ALKAL1: variants seen among roughly 807,000 people sequenced by gnomAD.
The protein encoded by ALKAL1 is AUG-beta.
Under a neutral mutation model 13.5 loss-of-function variants are expected in ALKAL1, and 23 were observed. The ratio of observed to expected loss-of-function variants is 1.70; its 90% confidence interval spans 1.23 to 2.41. ALKAL1 has a LOEUF of 2.41. Ranked by LOEUF, ALKAL1 falls within the 30% of genes most tolerant of loss-of-function variation. The pLI is 0.00. For synonymous variants in ALKAL1, 85 were observed against 77.7 expected, an observed-to-expected ratio of 1.09 and a Z score of -0.49; for missense variants, 181 against 178.4, an observed-to-expected ratio of 1.01 and a Z score of -0.08.
chr8:52,561,263 C>T (rs1847547924), intron 1 of ALKAL1, among the ~76,000 whole-genome samples: 1 of 151,984 alleles, frequency 6.6e-6, no homozygotes, highest in African/African-American at 2.4e-5. Context: ...TTACGCAAGC[C>T]CCTGCAGTAT....
At chr8:52,564,593 T>C (rs1333338432) in intron 1 of ALKAL1, among the ~76,000 whole-genome samples, 6 of 152,094 alleles carry the variant, frequency 3.9e-5, no homozygotes, top group African/African-American at 1.2e-4. Flanking sequence ...CTGCTGAAAC[T>C]GGCGCTTCCT....
intron 1 of ALKAL1, among the ~76,000 whole-genome samples, chr8:52,543,523 T>C (rs1182986010): frequency 2.0e-5 from 3 of 152,206 alleles, no homozygotes; most frequent in South Asian, 2.1e-4. Flanking sequence ...CAGGGCGTGA[T>C]TGTGTGGGTG....
rs566379276 is a variant in ALKAL1, at chr8:52,536,460, T to C, written c.*13-1860A>G. On this transcript the variant is annotated intron_variant, in intron 4 of 4. Transcript: ENST00000358543. ...AATGTTACAATTTACATTCAATTTATTTAGGATCGTACAAATACTCTATTG... is the reference window on the plus strand; with the variant it reads ...AATGTTACAATTTACATTCAATTTACTTAGGATCGTACAAATACTCTATTG... 8.1e-4 allele frequency among the ~76,000 whole-genome samples: 123 copies of C among 152,368 alleles called. 1 individual carries two copies. Among genetic ancestry groups the C allele is most frequent in the Non-Finnish European group, 5.3e-4 (36 of 68,032 alleles).
intron 1 of ALKAL1, among the ~76,000 whole-genome samples, chr8:52,562,266 A>T (rs1194833658): frequency 6.6e-6 from 1 of 152,156 alleles, no homozygotes; most frequent in Non-Finnish European, 1.5e-5. Flanking sequence ...AACTCTCAAG[A>T]GGGTCTGAAC....
Position 52,534,150 on chromosome 8 carries a change from G to T in ALKAL1, c.*463C>A, listed in dbSNP as rs1847245955. On this transcript the variant is annotated 3_prime_UTR_variant, in exon 5 of 5. Transcript: ENST00000358543. ...TGAAGACAACAAGTTCTAAATAAATGTATTTAAATATTAAATAAGAATTAT... is the reference window on the plus strand; with the variant it reads ...TGAAGACAACAAGTTCTAAATAAATTTATTTAAATATTAAATAAGAATTAT... 1.3e-5 allele frequency: 2 copies of T among 151,994 alleles called. No individual in the cohort carries two copies. Among genetic ancestry groups the T allele is most frequent in the African/African-American group, 4.8e-5 (2 of 41,394 alleles). The allele number at this position is 151,994 out of a possible 1,614,324, so 9.4% of individuals were successfully genotyped here. A position where few individuals can be genotyped will look rare whatever the true frequency, so the allele number is the denominator to read the frequency against.
At chr8:52,558,639 G>A (rs1590870584) in intron 1 of ALKAL1, among the ~76,000 whole-genome samples, 2 of 151,956 alleles carry the variant, frequency 1.3e-5, no homozygotes, top group Non-Finnish European at 2.9e-5. Context: ...GGCTAAAGTC[G>A]GGCTCGTTTA....
At chr8:52,558,508 C>G (rs1477796492) in intron 1 of ALKAL1, among the ~76,000 whole-genome samples, 1 of 151,966 alleles carries the variant, frequency 6.6e-6, no homozygotes, top group Non-Finnish European at 1.5e-5. Flanking sequence ...AGTATGTGGT[C>G]GTGTCTCAGC....
chr8:52,557,748 G>A (rs983511811), intron 1 of ALKAL1, among the ~76,000 whole-genome samples: 3 of 152,102 alleles, frequency 2.0e-5, no homozygotes, highest in Admixed American at 6.5e-5. Context: ...ACTCTGGAAG[G>A]CAAAAGACTG....
chr8:52,544,871 T>C (rs1390912794), intron 1 of ALKAL1, among the ~76,000 whole-genome samples: 1 of 152,156 alleles, frequency 6.6e-6, no homozygotes, highest in Non-Finnish European at 1.5e-5. Context: ...AGACATACAA[T>C]AAAAATAAAC....
chr8:52,536,282 C>CCTTAAAAGGACTTAAAAGTTCCTTAAAA (rs1563319140), intron 4 of ALKAL1, among the ~76,000 whole-genome samples: 5 of 152,092 alleles, frequency 3.3e-5, no homozygotes, highest in Non-Finnish European at 7.4e-5. Context: ...CTGAGGAACC[C>CCTTAAAAGGACTTAAAAGTTCCTTAAAA]GTTTCCTTAA....
intron 1 of ALKAL1, among the ~76,000 whole-genome samples, chr8:52,561,046 C>T (rs752851976): frequency 3.5e-4 from 53 of 152,064 alleles, no homozygotes; most frequent in Non-Finnish European, 7.4e-4. Context: ...ATGTTGCACA[C>T]TTTAAATATA....
chr8:52,540,377 G>T (rs1210870257), intron 2 of ALKAL1, among the ~76,000 whole-genome samples: 1 of 152,070 alleles, frequency 6.6e-6, no homozygotes, highest in East Asian at 1.9e-4. Context: ...TGTAAAATGA[G>T]CAGGGCCTTG....
In ALKAL1 at chr8:52,556,633, C is replaced by T. The variant is rs191529212; in HGVS notation, c.190+8434G>A. 4.2e-3 allele frequency among the ~76,000 whole-genome samples: 435 copies of T among 103,608 alleles called. 3 individuals carry two copies. Among genetic ancestry groups the T allele is most frequent in the African/African-American group, 0.015 (380 of 25,658 alleles). The allele number at this position is 103,608 out of a possible 152,430, so 68.0% of individuals were successfully genotyped here. On this transcript the variant is annotated intron_variant, in intron 1 of 4. Coordinates refer to ENST00000358543, the MANE Select transcript of ALKAL1 (RefSeq NM_207413.4). Reference sequence around the variant, plus strand: ...CTGCACTCCAGCCTGGGCGACAGAGCGAAACTCTGTCTCAAAAAAAAAAAA... The same window carrying T: ...CTGCACTCCAGCCTGGGCGACAGAGTGAAACTCTGTCTCAAAAAAAAAAAA...
chr8:52,555,701 C>G (rs914599649), intron 1 of ALKAL1, among the ~76,000 whole-genome samples: 1 of 152,142 alleles, frequency 6.6e-6, no homozygotes, highest in Non-Finnish European at 1.5e-5. Flanking sequence ...CCAGAGCCCA[C>G]CGAAATCATT....
chr8:52,534,525 A>G lies in ALKAL1; in HGVS notation c.*88T>C. On this transcript the variant is annotated 3_prime_UTR_variant, in exon 5 of 5. Coordinates refer to ENST00000358543, the MANE Select transcript of ALKAL1 (RefSeq NM_207413.4). ...TCATCTTAATATCCATAAAAATATA[A>G]ATTTCATCTTTTTTTACATTTTGCA... 1.7e-6 allele frequency: 1 copy of G among 579,688 alleles called. No individual in the cohort carries two copies. Among genetic ancestry groups the G allele is most frequent in the Non-Finnish European group, 3.0e-6 (1 of 331,468 alleles). The allele number at this position is 579,688 out of a possible 1,614,324, so 35.9% of individuals were successfully genotyped here. A position where few individuals can be genotyped will look rare whatever the true frequency, so the allele number is the denominator to read the frequency against.
chr8:52,542,466 A>T, intron 1 of ALKAL1, 21 bp from the exon 2 acceptor site: 3 of 1,402,554 alleles, frequency 2.1e-6, no homozygotes, highest in Non-Finnish European at 3.0e-6. Flanking sequence ...AAAAAAAACC[A>T]TCAGAATTTA....
intron 1 of ALKAL1, among the ~76,000 whole-genome samples, chr8:52,563,783 A>G (rs905998921): frequency 2.6e-5 from 4 of 151,972 alleles, no homozygotes; most frequent in Non-Finnish European, 4.4e-5. Flanking sequence ...TTGTCCACAC[A>G]CCAGCTGGGC....
intron 1 of ALKAL1, among the ~76,000 whole-genome samples, chr8:52,545,831 C>T (rs1468937001): frequency 6.6e-6 from 1 of 152,218 alleles, no homozygotes; most frequent in Non-Finnish European, 1.5e-5. Flanking sequence ...AAAAGGTTTA[C>T]AGTCATGTGC....
At position 52,561,673 on chromosome 8, in the gene ALKAL1, G is replaced by A. The variant is rs539387568; in HGVS notation, c.190+3394C>T. Among the ~76,000 whole-genome samples, 5 of 152,286 alleles carry A rather than the reference G, an allele frequency of 3.3e-5. No homozygotes were observed. The East Asian group carries it at 9.7e-4, about 29-fold the overall frequency. On this transcript the variant is annotated intron_variant, in intron 1 of 4. Transcript: ENST00000358543. ...ACCACAGCAGATTTATGACCAGGAA[G>A]AGACCAGCCCCATGCTACTTATTAA...
Sources: gnomAD v4.1 joint callset for allele counts (sites outside exome capture counted in the v4.1 genomes callset) on GRCh38, gnomAD v4.1.1 for gene constraint, MANE v1.5 for transcripts, NCBI Gene and HGNC (gene_info 2026-07-23, HGNC 2026-07-21) for gene names.